Variants in RSPH14 observed in about 807,000 individuals in gnomAD.
RSPH14 encodes the protein radial spoke head 14 homolog, also known as rhabdoid tumor deletion region gene 1.
In RSPH14, 20 loss-of-function variants were observed where a neutral mutation model predicts 26.7. The ratio of observed to expected loss-of-function variants is 0.75; its 90% confidence interval spans 0.53 to 1.09. RSPH14 has a LOEUF of 1.09. Among genes scored for constraint, RSPH14 ranks in the 50% least tolerant of loss-of-function variants. The pLI, the probability that RSPH14 is intolerant of heterozygous loss-of-function variation, is 0.00. For synonymous variants in RSPH14, 177 were observed against 189.3 expected, an observed-to-expected ratio of 0.93 and a Z score of 0.53; for missense variants, 449 against 457.2, an observed-to-expected ratio of 0.98 and a Z score of 0.16.
chr22:23,098,931 G>A (rs752567593), intron 4 of RSPH14, among the ~76,000 whole-genome samples: 2 of 152,222 alleles, frequency 1.3e-5, no homozygotes, highest in South Asian at 2.1e-4. Context: ...CTTTTGGAAC[G>A]TGCTGAACTG....
At chr22:23,103,195 G>A (rs901243508) in intron 4 of RSPH14, among the ~76,000 whole-genome samples, 2 of 152,188 alleles carry the variant, frequency 1.3e-5, no homozygotes, top group African/African-American at 4.8e-5. Flanking sequence ...TTTGTGAGCT[G>A]TTTGACATTA....
At chr22:23,088,655 G>A (rs1275260694) in intron 4 of RSPH14, among the ~76,000 whole-genome samples, 1 of 152,194 alleles carries the variant, frequency 6.6e-6, no homozygotes, top group African/African-American at 2.4e-5. Flanking sequence ...GGACTTGTTG[G>A]TCTGAAATGG....
chr22:23,061,861 ATGCTCCACTGG>A lies in RSPH14; in HGVS notation c.727_737del (p.Pro243CysfsTer4). The stretch of plus-strand genomic sequence containing the variant: ...GGGCACCGGCAGCGTTAGACTTCAC[ATGCTCCACTGG>A]GTCTTTCAGCAGATGGACCAGGATG... On this transcript the variant is annotated frameshift_variant, in exon 6 of 7. Transcript: ENST00000216036. LOFTEE classifies it high-confidence loss of function. 6.2e-7 allele frequency: 1 copy of A among 1,614,102 alleles called. No individual in the cohort carries two copies. Among genetic ancestry groups the A allele is most frequent in the South Asian group, 1.1e-5 (1 of 91,076 alleles).
At chr22:23,170,092 TTA>T in the RSPH14 span, among the ~76,000 whole-genome samples, 1 of 62,310 alleles carries the variant, frequency 1.6e-5, no homozygotes, top group Admixed American at 1.8e-4. Context: ...ACAAGACCCT[TTA>T]AAAAAAAAAA....
chr22:23,139,067 T>A, intron 2 of RSPH14, 125 bp from the exon 3 acceptor site: 4 of 668,462 alleles, frequency 6.0e-6, no homozygotes, highest in Non-Finnish European at 5.1e-6. Flanking sequence ...TCTGCTGCTT[T>A]GGGGCACTGG....
At chr22:23,160,970 G>A in the RSPH14 span, 8 of 1,612,718 alleles carry the variant, frequency 5.0e-6, no homozygotes, top group Non-Finnish European at 6.8e-6. Context: ...GCAGTGCCCG[G>A]CTCCAGGTCG....
intron 4 of RSPH14, among the ~76,000 whole-genome samples, chr22:23,114,530 G>C (rs1340152164): frequency 6.6e-6 from 1 of 152,094 alleles, no homozygotes; most frequent in Non-Finnish European, 1.5e-5. Context: ...CTCGCCCCCT[G>C]CATTCCTGTG....
upstream of RSPH14, chr22:23,145,656 C>T (rs768026058): frequency 4.5e-4 from 585 of 1,298,940 alleles, 1 homozygote; most frequent in Non-Finnish European, 5.9e-4. Context: ...GCCCACTTCC[C>T]GCCCCTATAA....
chr22:23,108,837 G>T (rs1727450738), intron 4 of RSPH14, among the ~76,000 whole-genome samples: 1 of 152,258 alleles, frequency 6.6e-6, no homozygotes, highest in South Asian at 2.1e-4. Flanking sequence ...TGGAGAGGTG[G>T]TGTCCCTATT....
At chr22:23,143,717 A>C (rs1050014696), upstream of RSPH14, among the ~76,000 whole-genome samples, 4 of 152,038 alleles carry the variant, frequency 2.6e-5, no homozygotes, top group African/African-American at 9.7e-5. Flanking sequence ...AACTAATAAC[A>C]CTTGTATGCT....
chr22:23,152,704 G>A, the RSPH14 span, among the ~76,000 whole-genome samples: 1 of 152,204 alleles, frequency 6.6e-6, no homozygotes, highest in African/African-American at 2.4e-5. Context: ...GAGATGGCAG[G>A]GCTGGGCAGA....
At chr22:23,133,347 A>C (rs1452437151) in intron 4 of RSPH14, among the ~76,000 whole-genome samples, 1 of 152,276 alleles carries the variant, frequency 6.6e-6, no homozygotes, top group Non-Finnish European at 1.5e-5. Flanking sequence ...GCTACAAGCA[A>C]GATATTACAA....
At chr22:23,060,265 A>G (rs934247850) in intron 6 of RSPH14, among the ~76,000 whole-genome samples, 2 of 152,058 alleles carry the variant, frequency 1.3e-5, no homozygotes, top group Non-Finnish European at 2.9e-5. Flanking sequence ...AGGTCAGGAG[A>G]TTGTGACCAT....
At chr22:23,147,026 C>G (rs115667459), upstream of RSPH14, among the ~76,000 whole-genome samples, 857 of 152,234 alleles carry the variant, frequency 5.6e-3, 4 homozygotes, top group African/African-American at 0.02. Context: ...AAGGTAATTC[C>G]TCTCATATTG....
At chr22:23,143,577 C>A (rs1303168058), upstream of RSPH14, among the ~76,000 whole-genome samples, 1 of 152,132 alleles carries the variant, frequency 6.6e-6, no homozygotes, top group African/African-American at 2.4e-5. Context: ...AATTTACTGC[C>A]CTAGCCAGAT....
At chr22:23,171,200 T>A in the RSPH14 span, among the ~76,000 whole-genome samples, 5 of 152,242 alleles carry the variant, frequency 3.3e-5, no homozygotes, top group Admixed American at 3.3e-4. Flanking sequence ...TCTCCTGACC[T>A]CATGATCCAC....
the RSPH14 span, among the ~76,000 whole-genome samples, chr22:23,167,862 ATT>A: frequency 6.6e-6 from 1 of 151,074 alleles, no homozygotes; most frequent in East Asian, 2.0e-4. Flanking sequence ...ACTAATTCTC[ATT>A]TTTTTTGAGA....
intron 3 of RSPH14, among the ~76,000 whole-genome samples, chr22:23,137,177 T>C (rs1397984129): frequency 7.2e-6 from 1 of 138,848 alleles, no homozygotes; most frequent in African/African-American, 2.6e-5. Context: ...CTGCAGCCTC[T>C]GCCTCTCTGG....
chr22:23,106,160 C>G (rs1368827235), intron 4 of RSPH14, among the ~76,000 whole-genome samples: 1 of 152,242 alleles, frequency 6.6e-6, no homozygotes, highest in Non-Finnish European at 1.5e-5. Context: ...GCAACTTTGA[C>G]CAACACCCTT....
Sources: allele counts gnomAD v4.1 joint callset (sites outside exome capture counted in the v4.1 genomes callset), GRCh38; gene constraint gnomAD v4.1.1; transcripts MANE v1.5; gene names NCBI Gene and HGNC (gene_info 2026-07-23, HGNC 2026-07-21).